CPNE1: variants seen among roughly 807,000 people sequenced by gnomAD.
CPNE1 encodes the protein copine-1.
In CPNE1, 58 loss-of-function variants were observed where a neutral mutation model predicts 63.2. The observed-to-expected ratio is 0.92, with a 90% CI of 0.74 to 1.14. The LOEUF is 1.14. Among genes scored for constraint, CPNE1 ranks in the 50% most tolerant of loss-of-function variants. The probability of loss-of-function intolerance (pLI) is 0.00; values close to 1 mark genes in which losing one functional copy is unlikely to be tolerated. For synonymous variants in CPNE1, 237 were observed against 249.0 expected, an observed-to-expected ratio of 0.95 and a Z score of 0.45; for missense variants, 672 against 661.7, an observed-to-expected ratio of 1.02 and a Z score of -0.17.
chr20:35,647,672 A>G (rs1036865741), intron 1 of CPNE1, among the ~76,000 whole-genome samples: 5 of 152,120 alleles, frequency 3.3e-5, no homozygotes, highest in Non-Finnish European at 5.9e-5. Flanking sequence ...TTGATCCAGA[A>G]AAGGAGTCAT....
At chr20:35,648,578 T>C (rs1001910668) in intron 1 of CPNE1, among the ~76,000 whole-genome samples, 14 of 152,238 alleles carry the variant, frequency 9.2e-5, no homozygotes, top group South Asian at 2.1e-4. Flanking sequence ...TGGAATTATA[T>C]GTCTAGCCCC....
chr20:35,637,180 C>T (rs6058287), intron 1 of CPNE1, among the ~76,000 whole-genome samples: 5 of 152,208 alleles, frequency 3.3e-5, no homozygotes, highest in African/African-American at 1.2e-4. Context: ...AACTTCAGGC[C>T]TTATTAGTCT....
intron 13 of CPNE1, 84 bp downstream of exon 13, chr20:35,630,355 C>G: frequency 9.7e-7 from 1 of 1,026,274 alleles, no homozygotes; most frequent in Admixed American, 2.1e-5. Context: ...AGGCAGGTAT[C>G]TGCCCCCACT....
At chr20:35,644,373 C>T (rs930572565) in intron 1 of CPNE1, among the ~76,000 whole-genome samples, 1 of 152,174 alleles carries the variant, frequency 6.6e-6, no homozygotes, top group African/African-American at 2.4e-5. Flanking sequence ...TCTCAAGCTG[C>T]AGTGTAGAAT....
chr20:35,652,711 T>C (rs1421534281), intron 1 of CPNE1: 2 of 1,613,962 alleles, frequency 1.2e-6, no homozygotes, highest in South Asian at 1.1e-5. Context: ...ATCTAAAATC[T>C]CATCAATAGA....
Position 35,632,612 on chromosome 20 carries a change from G to A in CPNE1, c.214C>T (p.Gln72Ter). The stretch of plus-strand genomic sequence containing the variant: ...TCATAGATTCCAAAGCGTAGCTTCT[G>A]GACTGTCTCAAAGCGGTACTCAAGC... The part of the protein sequence containing the change: ...LQLEYRFETV[Q>*]KLRFGIYDID... Residue 72 changes from glutamine (Q) to a stop codon, truncating the protein, a stop_gained, in exon 3 of 16, where the codon CAG becomes TAG. Coordinates refer to ENST00000397443, the MANE Select transcript of CPNE1 (RefSeq NM_152925.3). LOFTEE classifies it high-confidence loss of function. The A allele has an allele frequency of 6.3e-7, 1 of 1,593,966 alleles. No individual in the cohort carries two copies. The highest frequency in any genetic ancestry group is 8.6e-7 in the Non-Finnish European group (1 of 1,161,748).
intron 1 of CPNE1, chr20:35,650,678 CCTT>C (rs2033442789): frequency 1.3e-5 from 2 of 152,528 alleles, no homozygotes; most frequent in Non-Finnish European, 2.9e-5. Flanking sequence ...TCTAAACAAT[CCTT>C]CTCTTAAACA....
chr20:35,648,538 C>T (rs1471743775), intron 1 of CPNE1, among the ~76,000 whole-genome samples: 3 of 152,104 alleles, frequency 2.0e-5, no homozygotes, highest in East Asian at 3.8e-4. Flanking sequence ...AGTCAAATCC[C>T]GATTATTTAA....
At chr20:35,658,893 T>C (rs541855277) in intron 1 of CPNE1, 6 of 710,212 alleles carry the variant, frequency 8.4e-6, no homozygotes, top group South Asian at 3.0e-5. Context: ...TCATTTTATT[T>C]TGTATAAAAA....
intron 1 of CPNE1, among the ~76,000 whole-genome samples, chr20:35,648,694 A>C (rs2033298519): frequency 6.6e-6 from 1 of 152,204 alleles, no homozygotes; most frequent in African/African-American, 2.4e-5. Flanking sequence ...CATACACATA[A>C]AATTCTGAAA....
intron 1 of CPNE1, chr20:35,653,385 A>G: frequency 6.2e-7 from 1 of 1,614,170 alleles, no homozygotes; most frequent in East Asian, 2.2e-5. Flanking sequence ...GAACTGCAGG[A>G]TTACCTGGCA....
intron 14 of CPNE1, 83 bp from the exon 15 acceptor site, chr20:35,626,886 A>C: frequency 2.7e-6 from 3 of 1,128,208 alleles, no homozygotes; most frequent in Non-Finnish European, 4.0e-6. Flanking sequence ...CCCCACACTC[A>C]TAAGAAGTCC....
At chr20:35,644,022 TATTA>T (rs751269781) in intron 1 of CPNE1, among the ~76,000 whole-genome samples, 6 of 152,134 alleles carry the variant, frequency 3.9e-5, no homozygotes, top group African/African-American at 7.2e-5. Context: ...TTCCCCTTAC[TATTA>T]ATTATTTTTC....
At chr20:35,646,542 A>G (rs2033115359) in intron 1 of CPNE1, among the ~76,000 whole-genome samples, 1 of 151,984 alleles carries the variant, frequency 6.6e-6, no homozygotes, top group Non-Finnish European at 1.5e-5. Context: ...TTATCCACCA[A>G]TCAAAAGCTA....
chr20:35,652,056 A>C (rs1333601486), intron 1 of CPNE1: 3 of 153,672 alleles, frequency 2.0e-5, no homozygotes, highest in Non-Finnish European at 2.9e-5. Context: ...ATTTTAAAAG[A>C]AAATGAGGAC....
chr20:35,626,762 C>G lies in CPNE1; in HGVS notation c.1278G>C (p.Thr426=). 6.2e-7 allele frequency: 1 copy of G among 1,614,126 alleles called. No individual in the cohort carries two copies. The highest frequency in any genetic ancestry group is 8.5e-7 in the Non-Finnish European group (1 of 1,180,016). Residue 426 remains threonine (T), a synonymous_variant, in exon 15 of 16, where the codon ACG becomes ACC. Coordinates refer to ENST00000397443, the MANE Select transcript of CPNE1 (RefSeq NM_152925.3). ...CAGCCTCACGTGTGGCTTCCACATC[C>G]GTCACAGCACCATCAGTCAGCAGCA... is the stretch of plus-strand genomic sequence containing the variant. ...MLLLLTDGAV[T]DVEATREAVV...
chr20:35,658,762 G>A (rs1056406321), intron 1 of CPNE1, among the ~76,000 whole-genome samples: 2 of 151,334 alleles, frequency 1.3e-5, no homozygotes, highest in Non-Finnish European at 2.9e-5. Context: ...CTGGGCAACT[G>A]AGCAAGACTC....
At chr20:35,627,964 G>T (rs1264899803) in intron 13 of CPNE1, among the ~76,000 whole-genome samples, 1 of 150,072 alleles carries the variant, frequency 6.7e-6, no homozygotes, top group Non-Finnish European at 1.5e-5. Context: ...AGGCAACATA[G>T]TGAGACCCCC....
At chr20:35,658,788 A>C (rs979451350) in intron 1 of CPNE1, 40 of 561,048 alleles carry the variant, frequency 7.1e-5, no homozygotes, top group Non-Finnish European at 1.1e-4. Flanking sequence ...CAAAACAAAA[A>C]ACAAGCAAAC....
Sources: allele counts gnomAD v4.1 joint callset (sites outside exome capture counted in the v4.1 genomes callset), GRCh38; gene constraint gnomAD v4.1.1; transcripts MANE v1.5; gene names NCBI Gene and HGNC (gene_info 2026-07-23, HGNC 2026-07-21).